The following PICK1 variants were observed in gnomAD, a reference collection of about 807,000 sequenced individuals.
PICK1 encodes protein interacting with PRKCA 1, also known as PRKCA-binding protein.
Under a neutral mutation model 48.9 loss-of-function variants are expected in PICK1, and 23 were observed. The ratio of observed to expected loss-of-function variants is 0.47; its 90% CI spans 0.34 to 0.67. PICK1 has a LOEUF of 0.67. Among genes scored for constraint, PICK1 ranks in the 30% least tolerant of loss-of-function variants. The pLI is 0.01. For missense variants in PICK1, 423 were observed against 557.1 expected, an observed-to-expected ratio of 0.76 and a Z score of 2.42; for synonymous variants, 217 against 228.2, an observed-to-expected ratio of 0.95 and a Z score of 0.44.
rs866870796 is a variant in PICK1 at position 38,075,209 on chromosome 22, A to C, written c.*77A>C. ...GGGAGCGGGGCGGGGCCGCCGCGCAAGGGGGCGACGCATAAAGGCCTGCTG... is the reference window on the plus strand; with the variant it reads ...GGGAGCGGGGCGGGGCCGCCGCGCACGGGGGCGACGCATAAAGGCCTGCTG... On this transcript the variant is annotated 3_prime_UTR_variant, in exon 13 of 13. Coordinates refer to ENST00000356976, the MANE Select transcript of PICK1 (RefSeq NM_012407.4). 73 of 1,420,006 alleles carry C rather than the reference A, an allele frequency of 5.1e-5. No homozygotes were observed. In the Middle Eastern group the frequency reaches 1.7e-3, roughly 34 times the overall value. The allele number at this position is 1,420,006 out of a possible 1,614,324, so 88.0% of individuals were successfully genotyped here. A position where few individuals can be genotyped will look rare whatever the true frequency, so the allele number is the denominator to read the frequency against.
chr22:38,059,206 A>G (rs760942645), intron 2 of PICK1, 28 bp from the exon 3 acceptor site: 2 of 1,507,528 alleles, frequency 1.3e-6, no homozygotes, highest in African/African-American at 2.8e-5. Context: ...CTGCCAGGAG[A>G]GTCAGCCTAG....
intron 8 of PICK1, chr22:38,071,963 C>T: frequency 1.6e-6 from 1 of 609,880 alleles, no homozygotes; most frequent in Non-Finnish European, 3.0e-6. Flanking sequence ...CCTGTCTCCT[C>T]ACACTGCCAC....
chr22:38,073,842 GGGGGGCTTGTACTTCCCCCCACCT>G lies in PICK1; in HGVS notation c.834+22_834+45del. 1 of 1,611,756 alleles carries G rather than the reference GGGGGGCTTGTACTTCCCCCCACCT, an allele frequency of 6.2e-7. No homozygotes were observed. Among genetic ancestry groups the G allele is most frequent in the African/African-American group, 1.3e-5 (1 of 75,012 alleles). ...CTGCATTGTGAGTGTTGGAGGGGGT[GGGGGGCTTGTACTTCCCCCCACCT>G]GGTCTGCCAGGGATAGCAGGTGGCT... On this transcript the variant is annotated intron_variant, in intron 11 of 12. Transcript: ENST00000356976. This position sits in a 1 kb window ranked among gnomAD's most constrained non-coding sequence, Gnocchi z 5.7.
Position 38,075,025 on chromosome 22 carries a change from G to A in PICK1, c.1141G>A (p.Gly381Arg), listed in dbSNP as rs1220485612. ...YGLNQEEFTD[G>R]EEEEEEEDTA... is the part of the protein sequence containing the mutation. The stretch of plus-strand genomic sequence containing the variant: ...CCTCAACCAGGAGGAGTTCACAGAT[G>A]GGGAGGAGGAGGAGGAGGAGGAAGA... Residue 381 changes from glycine to arginine, a missense_variant, in exon 13 of 13, where the codon GGG becomes AGG. Gly to Arg is a moderately radical substitution (Grantham distance 125, BLOSUM62 -2). Around this residue, in one of 2 missense-constraint regions of PICK1, gnomAD observed 144 missense variants for 139.3 expected, o/e 1.03. Transcript: ENST00000356976. 3.1e-6 allele frequency: 5 copies of A among 1,613,396 alleles called. No individual in the cohort carries two copies. The highest frequency in any genetic ancestry group is 2.2e-5 in the East Asian group (1 of 44,882).
chr22:38,067,593 G>A (rs900422136), intron 4 of PICK1, 111 bp from the exon 5 acceptor site: 26 of 917,910 alleles, frequency 2.8e-5, no homozygotes, highest in Non-Finnish European at 4.0e-5. Flanking sequence ...ACAGGTGTGA[G>A]CCACCGCACC....
intron 9 of PICK1, 98 bp downstream of exon 9, chr22:38,072,708 G>A (rs2085731531): frequency 5.9e-6 from 9 of 1,526,576 alleles, no homozygotes; most frequent in Admixed American, 1.7e-5. Context: ...CTGTGCCTGG[G>A]TACAGCCTCT....
chr22:38,072,326 G>A, intron 8 of PICK1, 151 bp from the exon 9 acceptor site: 2 of 878,742 alleles, frequency 2.3e-6, no homozygotes, highest in South Asian at 3.4e-5. Context: ...CTCCTTCAGG[G>A]GGTTTAGACC....
Position 38,057,506 on chromosome 22 carries a change from G to T in PICK1, c.-139G>T. On this transcript the variant is annotated 5_prime_UTR_variant, in exon 1 of 13. Transcript: ENST00000356976. Reference sequence around the variant, plus strand: ...ACGCTTCCGGTGAGCGACAGAGGCAGCTCCCCAGGGCCTGGAGACCCGTGG... The same window carrying T: ...ACGCTTCCGGTGAGCGACAGAGGCATCTCCCCAGGGCCTGGAGACCCGTGG... 2.4e-6 allele frequency: 1 copy of T among 421,454 alleles called. No individual in the cohort carries two copies. Among genetic ancestry groups the T allele is most frequent in the Non-Finnish European group, 4.3e-6 (1 of 231,170 alleles). 26.1% of individuals were successfully genotyped at this position (421,454 alleles called of 1,614,324 possible). A position where few individuals can be genotyped will look rare whatever the true frequency, so the allele number is the denominator to read the frequency against.
rs925757270 is a variant in PICK1, at chr22:38,073,671, A to C, written c.784-102A>C. On this transcript the variant is annotated intron_variant, in intron 10 of 12. Transcript: ENST00000356976. This position sits in a 1 kb window ranked among gnomAD's most constrained non-coding sequence, Gnocchi z 5.7. ...CTGCCCGCTCTGGGACTCCCTGAACACCTGCGCCAGCCTCTCCTGCTGCGT... is the reference window on the plus strand; with the variant it reads ...CTGCCCGCTCTGGGACTCCCTGAACCCCTGCGCCAGCCTCTCCTGCTGCGT... 1.9e-6 allele frequency: 2 copies of C among 1,079,676 alleles called. No individual in the cohort carries two copies. Among genetic ancestry groups the C allele is most frequent in the African/African-American group, 3.1e-5 (2 of 64,650 alleles). The allele number at this position is 1,079,676 out of a possible 1,614,324, so 66.9% of individuals were successfully genotyped here.
rs116694906 is a variant in PICK1 at position 38,071,388 on chromosome 22, C to T, written c.494-294C>T. 9.3e-3 allele frequency among the ~76,000 whole-genome samples: 1,418 copies of T among 152,336 alleles called. 22 individuals are homozygous for T. The highest frequency in any genetic ancestry group is 0.033 in the African/African-American group (1,351 of 41,560). On this transcript the variant is annotated intron_variant, in intron 7 of 12. Coordinates refer to ENST00000356976, the MANE Select transcript of PICK1 (RefSeq NM_012407.4). The stretch of plus-strand genomic sequence containing the variant: ...ACTCATAAAAATTCAGAGAATAGCA[C>T]TTGTAAACATAGCGAGAGTCCCCCG...
rs1224205477 is a variant in PICK1 at position 38,071,753 on chromosome 22, A to G, written c.556+9A>G. 6.2e-7 allele frequency: 1 copy of G among 1,611,166 alleles called. No homozygotes were observed. Among genetic ancestry groups the G allele is most frequent in the Admixed American group, 1.7e-5 (1 of 60,020 alleles). On this transcript the variant is annotated intron_variant, in intron 8 of 12. Transcript: ENST00000356976. ...GTCGCAGACTCACCGGGGTAATGGC[A>G]TCCCCCAAAGCTGTGGTGTGACCGT...
intron 8 of PICK1, among the ~76,000 whole-genome samples, chr22:38,072,259 G>C (rs2085715500): frequency 6.6e-6 from 1 of 152,184 alleles, no homozygotes; most frequent in Admixed American, 6.5e-5. Flanking sequence ...AGGACTCTAG[G>C]GGGCACAGAC....
intron 3 of PICK1, 47 bp downstream of exon 3, chr22:38,059,392 C>A: frequency 7.8e-7 from 1 of 1,274,298 alleles, no homozygotes; most frequent in Non-Finnish European, 1.1e-6. Flanking sequence ...CCTACTTGGG[C>A]ATGACAAAGG....
intron 6 of PICK1, among the ~76,000 whole-genome samples, chr22:38,070,340 A>T (rs2085647094): frequency 6.6e-6 from 1 of 152,232 alleles, no homozygotes; most frequent in Non-Finnish European, 1.5e-5. Context: ...AGTGAGCCTG[A>T]CATGGTGGCT....
At chr22:38,068,711 G>A (rs769647616) in intron 5 of PICK1, among the ~76,000 whole-genome samples, 9 of 152,224 alleles carry the variant, frequency 5.9e-5, no homozygotes, top group Non-Finnish European at 1.2e-4. Flanking sequence ...ACACAGAGGA[G>A]GGGAAGAGGC....
At chr22:38,065,241 C>T (rs1306410463) in intron 4 of PICK1, 111 bp downstream of exon 4, 1 of 1,074,136 alleles carries the variant, frequency 9.3e-7, no homozygotes, top group Admixed American at 2.0e-5. Flanking sequence ...CCTCACCGCC[C>T]CCTTCCTTGT....
At position 38,071,710 on chromosome 22, in the gene PICK1, A is replaced by G; in HGVS notation, c.522A>G (p.Leu174=). Reference sequence around the variant, plus strand: ...TGACGGAACACACCAAGAACCTCCTACGGGCCTTTTATGAGCTGTCGCAGA... The same window carrying G: ...TGACGGAACACACCAAGAACCTCCTGCGGGCCTTTTATGAGCTGTCGCAGA... ...KGMTEHTKNL[L]RAFYELSQTH... Residue 174 remains leucine, a synonymous_variant, in exon 8 of 13, where the codon CTA becomes CTG. Coordinates refer to ENST00000356976, the MANE Select transcript of PICK1 (RefSeq NM_012407.4). 6.2e-7 allele frequency: 1 copy of G among 1,613,504 alleles called. No individual in the cohort carries two copies. Among genetic ancestry groups the G allele is most frequent in the Non-Finnish European group, 8.5e-7 (1 of 1,179,900 alleles).
chr22:38,074,089 T>C lies in PICK1; in HGVS notation c.835-218T>C. On this transcript the variant is annotated intron_variant, in intron 11 of 12. Coordinates refer to ENST00000356976, the MANE Select transcript of PICK1 (RefSeq NM_012407.4). The surrounding 1 kb of genome is among the most constrained non-coding windows in gnomAD (Gnocchi z 4.5). The stretch of plus-strand genomic sequence containing the variant: ...GAGGCGCTTTTAAGTGTTTGATTTT[T>C]CTGCTGTCGGGATCCATTTCGTGGC... 1.6e-6 allele frequency: 1 copy of C among 638,828 alleles called. No homozygotes were observed. Among genetic ancestry groups the C allele is most frequent in the Non-Finnish European group, 2.7e-6 (1 of 369,596 alleles). 39.6% of individuals were successfully genotyped at this position (638,828 alleles called of 1,614,324 possible).
Position 38,069,028 on chromosome 22 carries a change from C to A in PICK1, c.350-5C>A, listed in dbSNP as rs981290209. The stretch of plus-strand genomic sequence containing the variant: ...GACTCACCAGGTCCTTTGTCCCCCG[C>A]TCAGTGTTGAAGAAAGTCAAGCACC... On this transcript the variant is annotated splice_polypyrimidine_tract_variant and splice_region_variant and intron_variant, in intron 5 of 12. Transcript: ENST00000356976. 2.5e-6 allele frequency: 4 copies of A among 1,611,364 alleles called. No individual in the cohort carries two copies. The African/African-American group carries it at 5.3e-5, about 22-fold the overall frequency.
Sources: allele counts gnomAD v4.1 joint callset (sites outside exome capture counted in the v4.1 genomes callset), GRCh38; gene constraint gnomAD v4.1.1; regional missense constraint gnomAD v4.1.1; non-coding constraint Gnocchi (gnomAD v3.1); transcripts MANE v1.5; gene names NCBI Gene and HGNC (gene_info 2026-07-23, HGNC 2026-07-21).